Variants in CYRIA observed in about 807,000 individuals in gnomAD.
CYRIA encodes the protein CYFIP related Rac1 interactor A.
Under a neutral mutation model 43.9 loss-of-function variants are expected in CYRIA, and 15 were observed. The ratio of observed to expected loss-of-function variants is 0.34; its 90% CI spans 0.23 to 0.53. The LOEUF (loss-of-function observed/expected upper bound fraction) is 0.53, where lower values mean the gene tolerates loss of function less well. CYRIA is among the 20% of genes least tolerant of loss of function. The pLI, the probability that CYRIA is intolerant of heterozygous loss-of-function variation, is 0.94. For synonymous variants in CYRIA, 117 were observed against 136.0 expected (o/e 0.86, Z 0.97); for missense variants, 236 against 394.2 (o/e 0.60, Z 3.40).
chr2:16,609,062 C>A (rs1359555647), intron 2 of CYRIA, among the ~76,000 whole-genome samples: 1 of 152,202 alleles, frequency 6.6e-6, no homozygotes, highest in East Asian at 1.9e-4. Flanking sequence ...CGAGTGCACA[C>A]ACACAAGCGG....
In CYRIA at chr2:16,563,339, G is replaced by A. The variant is rs113419673; in HGVS notation, c.298+650C>T. Among the ~76,000 whole-genome samples the A allele has an allele frequency of 4.8e-3, 735 of 152,196 alleles. 7 individuals are homozygous for A. The highest frequency in any genetic ancestry group is 0.016 in the African/African-American group (659 of 41,546). On this transcript the variant is annotated intron_variant, in intron 5 of 11. Coordinates refer to ENST00000381323, the MANE Select transcript of CYRIA (RefSeq NM_030797.4). ...ACATCACGGTCATTACTCCCCCAAG[G>A]TATTTCAAGTTCTCTGTTTTCCTCT...
intron 3 of CYRIA, among the ~76,000 whole-genome samples, chr2:16,585,781 G>C (rs2103454569): frequency 6.6e-6 from 1 of 152,236 alleles, no homozygotes; most frequent in South Asian, 2.1e-4. Context: ...AGTAGTGGGT[G>C]GGGGCGCACA....
At chr2:16,585,807 G>A (rs982280634) in intron 3 of CYRIA, among the ~76,000 whole-genome samples, 1 of 152,082 alleles carries the variant, frequency 6.6e-6, no homozygotes, top group Admixed American at 6.6e-5. Flanking sequence ...ACCTCTCAAC[G>A]TCCCCCTATG....
At chr2:16,610,897 C>CATAT (rs60848949) in intron 2 of CYRIA, among the ~76,000 whole-genome samples, 3,238 of 90,994 alleles carry the variant, frequency 0.036, 182 homozygotes, top group Non-Finnish European at 0.049. Flanking sequence ...TTAGTCCCAA[C>CATAT]ATATATATAT....
chr2:16,563,170 G>A (rs890848434), intron 5 of CYRIA, among the ~76,000 whole-genome samples: 2 of 152,092 alleles, frequency 1.3e-5, no homozygotes, highest in African/African-American at 4.8e-5. Context: ...CATTCACTGG[G>A]TCAACCCTTT....
chr2:16,575,690 C>T (rs1201303581), intron 3 of CYRIA, among the ~76,000 whole-genome samples: 5 of 151,710 alleles, frequency 3.3e-5, no homozygotes, highest in African/African-American at 9.7e-5. Flanking sequence ...CCCGTCTCTA[C>T]TAAAAATACA....
intron 2 of CYRIA, among the ~76,000 whole-genome samples, chr2:16,605,945 C>T (rs556868701): frequency 6.6e-6 from 1 of 152,268 alleles, no homozygotes; most frequent in South Asian, 2.1e-4. Flanking sequence ...GGAAGTTCCT[C>T]CTCAAGTTTC....
At chr2:16,623,372 C>T (rs1488535146) in intron 2 of CYRIA, among the ~76,000 whole-genome samples, 2 of 152,172 alleles carry the variant, frequency 1.3e-5, no homozygotes, top group Non-Finnish European at 1.5e-5. Flanking sequence ...GTCAGGAAAG[C>T]GGGTGATGAG....
At chr2:16,637,623 T>A (rs1669537805) in intron 1 of CYRIA, among the ~76,000 whole-genome samples, 4 of 152,224 alleles carry the variant, frequency 2.6e-5, no homozygotes, top group Admixed American at 6.5e-5. Context: ...AGCCAATGAC[T>A]TCTTCAGTAA....
chr2:16,552,311 T>A lies in CYRIA; in HGVS notation c.*625A>T, dbSNP rs1177874953. 6.6e-6 allele frequency: 1 copy of A among 151,980 alleles called. No homozygotes were observed. The highest frequency in any genetic ancestry group is 2.4e-5 in the African/African-American group (1 of 41,366). 9.4% of individuals were successfully genotyped at this position (151,980 alleles called of 1,614,324 possible). On this transcript the variant is annotated 3_prime_UTR_variant, in exon 12 of 12. Transcript: ENST00000381323. ...ACTAACTGAAAAAAATACAGGAGAT[T>A]TTTTTTTCATGTGAAATTAAAGGAG...
intron 2 of CYRIA, among the ~76,000 whole-genome samples, chr2:16,605,528 G>A (rs544137669): frequency 1.2e-4 from 18 of 152,312 alleles, no homozygotes; most frequent in African/African-American, 2.6e-4. Flanking sequence ...ACCCAGGCCC[G>A]TTCTGCCTAA....
chr2:16,650,560 G>A lies in CYRIA; in HGVS notation c.-167+15220C>T, dbSNP rs1669946898. ...CCTTCTCCGTTAAGCTTCATGGGCT[G>A]GCAGCCCCAGCTCTCACACTCAGAG... On this transcript the variant is annotated intron_variant, in intron 1 of 11. Coordinates refer to ENST00000381323, the MANE Select transcript of CYRIA (RefSeq NM_030797.4). This position sits in a 1 kb window ranked among gnomAD's most constrained non-coding sequence, Gnocchi z 4.1. Among the ~76,000 whole-genome samples the A allele has an allele frequency of 6.6e-6, 1 of 152,204 alleles. No homozygotes were observed. The highest frequency in any genetic ancestry group is 1.5e-5 in the Non-Finnish European group (1 of 68,034).
At chr2:16,568,758 T>C (rs1667032534) in intron 3 of CYRIA, among the ~76,000 whole-genome samples, 1 of 152,120 alleles carries the variant, frequency 6.6e-6, no homozygotes, top group Admixed American at 6.5e-5. Context: ...TAAGACTATT[T>C]GAGTATATTT....
intron 3 of CYRIA, among the ~76,000 whole-genome samples, chr2:16,571,199 T>C (rs1439540280): frequency 6.6e-6 from 1 of 152,234 alleles, no homozygotes; most frequent in Non-Finnish European, 1.5e-5. Context: ...AAGTACCTTA[T>C]ACATTAAGAT....
chr2:16,619,701 G>A (rs1483616770), intron 2 of CYRIA, among the ~76,000 whole-genome samples: 9 of 152,140 alleles, frequency 5.9e-5, no homozygotes, highest in Admixed American at 2.6e-4. Flanking sequence ...CTTTTTAGTC[G>A]CTGTTGGGAA....
chr2:16,615,130 T>C (rs932284664), intron 2 of CYRIA, among the ~76,000 whole-genome samples: 1 of 152,238 alleles, frequency 6.6e-6, no homozygotes, highest in Non-Finnish European at 1.5e-5. Context: ...CTGAGCATGG[T>C]CTGGAGACTG....
intron 1 of CYRIA, among the ~76,000 whole-genome samples, chr2:16,640,111 ATGCATGCGCC>A (rs1207757295): frequency 6.6e-6 from 1 of 152,364 alleles, no homozygotes; most frequent in East Asian, 1.9e-4. Flanking sequence ...GCACACCCGC[ATGCATGCGCC>A]TGCACGCACA....
chr2:16,617,145 T>G (rs1168879725), intron 2 of CYRIA, among the ~76,000 whole-genome samples: 2 of 152,204 alleles, frequency 1.3e-5, no homozygotes, highest in Non-Finnish European at 1.5e-5. Context: ...CTTCCTTGAT[T>G]TGCAGCATAG....
chr2:16,573,107 T>C (rs1439438434), intron 3 of CYRIA, among the ~76,000 whole-genome samples: 1 of 152,246 alleles, frequency 6.6e-6, no homozygotes, highest in Non-Finnish European at 1.5e-5. Flanking sequence ...AGAGATGTTC[T>C]GCATATAGTT....
Sources: allele counts gnomAD v4.1 joint callset (sites outside exome capture counted in the v4.1 genomes callset), GRCh38; gene constraint gnomAD v4.1.1; non-coding constraint Gnocchi (gnomAD v3.1); transcripts MANE v1.5; gene names NCBI Gene and HGNC (gene_info 2026-07-23, HGNC 2026-07-21).